Variants in SLC35F3 observed in about 807,000 individuals in gnomAD.
SLC35F3 encodes solute carrier family 35 member F3.
In SLC35F3, 25 loss-of-function variants were observed where a neutral mutation model predicts 49.9. That is an observed-to-expected ratio of 0.50 (90% CI 0.37 to 0.70). The LOEUF is 0.70. SLC35F3 is among the 30% of genes least tolerant of loss of function. SLC35F3 has a pLI of 0.00. For synonymous variants in SLC35F3, 275 were observed against 265.4 expected (o/e 1.04, Z -0.35); for missense variants, 525 against 639.8 (o/e 0.82, Z 1.94).
At chr1:234,098,461 T>C (rs1042108024) in intron 2 of SLC35F3, among the ~76,000 whole-genome samples, 10 of 150,284 alleles carry the variant, frequency 6.7e-5, no homozygotes, top group Non-Finnish European at 1.2e-4. Context: ...GACAGTGTTA[T>C]AGGGTGATGA....
chr1:234,171,979 C>A (rs1267123907), intron 2 of SLC35F3, among the ~76,000 whole-genome samples: 2 of 152,100 alleles, frequency 1.3e-5, no homozygotes, highest in East Asian at 3.9e-4. Context: ...TTCCCCAACC[C>A]CAGAAACTGA....
chr1:234,029,273 G>A (rs1464238289), intron 2 of SLC35F3, among the ~76,000 whole-genome samples: 1 of 152,166 alleles, frequency 6.6e-6, no homozygotes, highest in African/African-American at 2.4e-5. Context: ...AGTGGGGTCA[G>A]CAAAGGTGAT....
intron 2 of SLC35F3, among the ~76,000 whole-genome samples, chr1:233,982,834 T>A (rs367702499): frequency 6.6e-6 from 1 of 152,158 alleles, no homozygotes; most frequent in Non-Finnish European, 1.5e-5. Flanking sequence ...ACAACTACCC[T>A]GTTAGAAATT....
At chr1:233,954,606 G>A (rs1662664210) in intron 2 of SLC35F3, among the ~76,000 whole-genome samples, 1 of 152,194 alleles carries the variant, frequency 6.6e-6, no homozygotes, top group Non-Finnish European at 1.5e-5. Flanking sequence ...ATATACAGAA[G>A]TACCTGGCAT....
chr1:234,031,425 T>A (rs942245805), intron 2 of SLC35F3, among the ~76,000 whole-genome samples: 26 of 152,222 alleles, frequency 1.7e-4, no homozygotes, highest in Non-Finnish European at 2.8e-4. Context: ...ACTGATGCCA[T>A]AGAATGGTAA....
chr1:234,226,016 C>A (rs1020631597), intron 2 of SLC35F3, among the ~76,000 whole-genome samples: 1 of 152,166 alleles, frequency 6.6e-6, no homozygotes, highest in African/African-American at 2.4e-5. Context: ...AGGGTTGAGG[C>A]TGGGAACAGG....
intron 2 of SLC35F3, among the ~76,000 whole-genome samples, chr1:234,123,156 C>T (rs1037817493): frequency 6.6e-6 from 1 of 152,162 alleles, no homozygotes; most frequent in Non-Finnish European, 1.5e-5. Flanking sequence ...TTAATAATCA[C>T]CATTCTGACT....
rs150598439 is a variant in SLC35F3 at position 234,226,827 on chromosome 1, C to A, written c.284-4590C>A. 2.0e-5 allele frequency among the ~76,000 whole-genome samples: 3 copies of A among 152,282 alleles called. No homozygotes were observed. In the East Asian group the frequency reaches 5.8e-4, roughly 29 times the overall value. ...ATTTTGCAGGTGGCGGGTTTATTGC[C>A]TGACAGCCCTCAGGACACTAAGACA... On this transcript the variant is annotated intron_variant, in intron 2 of 7. Coordinates refer to ENST00000366618, the MANE Select transcript of SLC35F3 (RefSeq NM_173508.4).
chr1:234,203,839 C>T (rs1285122835), intron 2 of SLC35F3, among the ~76,000 whole-genome samples: 2 of 152,096 alleles, frequency 1.3e-5, no homozygotes, highest in Non-Finnish European at 2.9e-5. Flanking sequence ...AGTTAGAACA[C>T]ATGAAAACTT....
intron 2 of SLC35F3, among the ~76,000 whole-genome samples, chr1:233,993,984 T>G (rs746850964): frequency 6.6e-6 from 1 of 152,028 alleles, no homozygotes. Flanking sequence ...GTTACCAGAG[T>G]GAAAAATATA....
chr1:233,905,489 C>T, intron 1 of SLC35F3, 40 bp from the exon 2 acceptor site: 6 of 1,463,174 alleles, frequency 4.1e-6, no homozygotes, highest in East Asian at 2.4e-5. Flanking sequence ...GTCCATGCTC[C>T]CCCTGCCCAC....
chr1:234,232,383 A>C, intron 3 of SLC35F3, among the ~76,000 whole-genome samples: 1 of 152,026 alleles, frequency 6.6e-6, no homozygotes, highest in Non-Finnish European at 1.5e-5. Flanking sequence ...AGGAGGGCTC[A>C]TGCAGCCCTC....
At chr1:234,193,199 TA>T (rs1056899641) in intron 2 of SLC35F3, among the ~76,000 whole-genome samples, 7 of 152,058 alleles carry the variant, frequency 4.6e-5, no homozygotes, top group Non-Finnish European at 1.0e-4. Context: ...AACTATACTA[TA>T]AGGCCATAGT....
chr1:234,062,241 G>C (rs896500572), intron 2 of SLC35F3, among the ~76,000 whole-genome samples: 1 of 152,156 alleles, frequency 6.6e-6, no homozygotes, highest in African/African-American at 2.4e-5. Flanking sequence ...TGAAGTTTCT[G>C]ATGTTATTCT....
intron 4 of SLC35F3, among the ~76,000 whole-genome samples, chr1:234,310,207 TCTC>T (rs1657311640): frequency 6.6e-6 from 1 of 152,090 alleles, no homozygotes; most frequent in East Asian, 1.9e-4. Context: ...GGCCGCTAGT[TCTC>T]CTGTAGTTAG....
intron 2 of SLC35F3, among the ~76,000 whole-genome samples, chr1:233,909,891 T>G (rs1661846669): frequency 6.6e-6 from 1 of 152,220 alleles, no homozygotes; most frequent in Middle Eastern, 3.2e-3. Context: ...CCAGTAATGC[T>G]AAACAAGCAG....
At chr1:233,945,443 A>T (rs1435931200) in intron 2 of SLC35F3, among the ~76,000 whole-genome samples, 1 of 152,210 alleles carries the variant, frequency 6.6e-6, no homozygotes, top group Non-Finnish European at 1.5e-5. Context: ...TTCTTCCACA[A>T]GGATGTGTCT....
intron 2 of SLC35F3, among the ~76,000 whole-genome samples, chr1:234,135,160 A>G (rs894852454): frequency 6.6e-6 from 1 of 152,202 alleles, no homozygotes; most frequent in Admixed American, 6.5e-5. Context: ...GGCCATACAG[A>G]TAGGTGGAAA....
intron 3 of SLC35F3, among the ~76,000 whole-genome samples, chr1:234,307,346 C>T (rs905228854): frequency 2.0e-5 from 3 of 152,146 alleles, no homozygotes; most frequent in Non-Finnish European, 4.4e-5. Context: ...AGAGAGGTGG[C>T]CAAACTGCAC....
Sources: allele counts gnomAD v4.1 joint callset (sites outside exome capture counted in the v4.1 genomes callset), GRCh38; gene constraint gnomAD v4.1.1; transcripts MANE v1.5; gene names NCBI Gene and HGNC (gene_info 2026-07-23, HGNC 2026-07-21).